Variants in GNAS-AS1 observed in about 807,000 individuals in gnomAD.
GNAS-AS1 encodes GNAS antisense RNA 1.
intron 4 of GNAS-AS1, among the ~76,000 whole-genome samples, chr20:58,819,476 G>A (rs970389441): frequency 9.2e-5 from 14 of 152,196 alleles, no homozygotes; most frequent in African/African-American, 3.1e-4. Flanking sequence ...TAAGAGAGAA[G>A]CAGTTATGGT....
At chr20:58,839,358 T>C (rs891415096) in intron 4 of GNAS-AS1, 3 of 399,336 alleles carry the variant, frequency 7.5e-6, no homozygotes, top group African/African-American at 2.1e-5. Flanking sequence ...TACTCGTGTA[T>C]AGACAGACCC....
Position 58,850,885 on chromosome 20 carries a change from T to C in GNAS-AS1, n.19A>G, listed in dbSNP as rs964222310. On this transcript the variant is annotated non_coding_transcript_exon_variant, in exon 1 of 5. Coordinates refer to ENST00000424094, the Ensembl canonical transcript of GNAS-AS1. ...ACCCCAGCAGCACCTCTTCGGGCGT[T>C]CCAACGCGGCGCCCCCTATTGGACC... is the stretch of plus-strand genomic sequence containing the variant. 4.8e-5 allele frequency: 19 copies of C among 398,602 alleles called. No individual in the cohort carries two copies. In the Admixed American group the frequency reaches 5.3e-4, roughly 11 times the overall value. 24.7% of individuals were successfully genotyped at this position (398,602 alleles called of 1,614,324 possible).
At chr20:58,820,832 C>T (rs1242703485) in intron 4 of GNAS-AS1, among the ~76,000 whole-genome samples, 1 of 152,198 alleles carries the variant, frequency 6.6e-6, no homozygotes, top group Admixed American at 6.5e-5. Flanking sequence ...GAAAGACCCA[C>T]CCCCATACTT....
chr20:58,848,774 T>G (rs2086041012), intron 2 of GNAS-AS1: 1 of 396,900 alleles, frequency 2.5e-6, no homozygotes, highest in African/African-American at 2.1e-5. Flanking sequence ...CTCAGGTCCC[T>G]GTGGCCTTGC....
intron 4 of GNAS-AS1, among the ~76,000 whole-genome samples, chr20:58,835,655 A>T (rs2085597705): frequency 6.6e-6 from 1 of 152,184 alleles, no homozygotes; most frequent in African/African-American, 2.4e-5. Flanking sequence ...ATCTGGTTTT[A>T]ATATTTGGGG....
At chr20:58,835,627 AC>A (rs1158045525) in intron 4 of GNAS-AS1, among the ~76,000 whole-genome samples, 2 of 152,116 alleles carry the variant, frequency 1.3e-5, no homozygotes, top group Admixed American at 1.3e-4. Context: ...GGAATGTATT[AC>A]TCTACACCTG....
chr20:58,838,691 G>A, intron 4 of GNAS-AS1: 1 of 246,274 alleles, frequency 4.1e-6, no homozygotes. Context: ...GCCGAGGCGG[G>A]CGGATCACTT....
Position 58,826,140 on chromosome 20 carries a change from A to G in GNAS-AS1, n.820-6885T>C, listed in dbSNP as rs2085518674. On this transcript the variant is annotated intron_variant and non_coding_transcript_variant, in intron 4 of 4. Coordinates refer to ENST00000424094, the Ensembl canonical transcript of GNAS-AS1. ...GAGAACTTTCAGCACACTGAAGTCT[A>G]TTTAAAAATAGTGGGAGAAGGGAAG... 5 of 398,676 alleles carry G rather than the reference A, an allele frequency of 1.3e-5. 1 individual carries two copies. The East Asian group carries it at 1.8e-4, about 14-fold the overall frequency. 24.7% of individuals were successfully genotyped at this position (398,676 alleles called of 1,614,324 possible).
intron 4 of GNAS-AS1, among the ~76,000 whole-genome samples, chr20:58,835,832 G>C (rs2085598929): frequency 6.6e-6 from 1 of 152,198 alleles, no homozygotes; most frequent in African/African-American, 2.4e-5. Context: ...CTCCAGGAGA[G>C]GAGGCAAAGA....
exon 5 of GNAS-AS1, chr20:58,819,011 T>C (rs565975644): frequency 1.2e-4 from 49 of 398,624 alleles, no homozygotes; most frequent in Non-Finnish European, 1.5e-4. Flanking sequence ...GAAAATGTGA[T>C]ACAGAAACCT....
chr20:58,832,871 C>T (rs998793843), intron 4 of GNAS-AS1, among the ~76,000 whole-genome samples: 5 of 152,246 alleles, frequency 3.3e-5, no homozygotes, highest in Non-Finnish European at 5.9e-5. Context: ...TCTCAATCCC[C>T]ACACAGCACC....
rs1393406420 is a variant in GNAS-AS1, at chr20:58,840,051, A to G, written n.819+1886T>C. ...GGCTCCAGCAGCCAATGTGCTTCGG[A>G]GCCACTCTCTGCAGAGCCAGAGGGC... On this transcript the variant is annotated intron_variant and non_coding_transcript_variant, in intron 4 of 4. Coordinates refer to ENST00000424094, the Ensembl canonical transcript of GNAS-AS1. This position sits in a 1 kb window ranked among gnomAD's most constrained non-coding sequence, Gnocchi z 6.0. 6.3e-6 allele frequency: 10 copies of G among 1,590,716 alleles called. No individual in the cohort carries two copies. Among genetic ancestry groups the G allele is most frequent in the African/African-American group, 2.7e-5 (2 of 73,884 alleles).
At chr20:58,830,070 G>A (rs912520711) in intron 4 of GNAS-AS1, among the ~76,000 whole-genome samples, 20 of 151,962 alleles carry the variant, frequency 1.3e-4, no homozygotes, top group African/African-American at 4.6e-4. Flanking sequence ...CTTTATTTTA[G>A]GCTCTTTCTG....
intron 2 of GNAS-AS1, among the ~76,000 whole-genome samples, chr20:58,845,658 T>C (rs1488103635): frequency 6.6e-6 from 1 of 152,230 alleles, no homozygotes; most frequent in East Asian, 1.9e-4. Flanking sequence ...AATTTTTTAC[T>C]GGTATTTGTT....
chr20:58,846,971 G>A (rs2085964076), intron 2 of GNAS-AS1, among the ~76,000 whole-genome samples: 1 of 152,124 alleles, frequency 6.6e-6, no homozygotes. Context: ...TTCCCATGGT[G>A]CTGTTCATCT....
rs59489810 is a variant in GNAS-AS1 at position 58,835,768 on chromosome 20, T to G, written n.819+6169A>C. ...CGGAATAGTGTCTTGATCATAGAAG[T>G]GGCTCAATTTATGATTGCTAAATAG... On this transcript the variant is annotated intron_variant and non_coding_transcript_variant, in intron 4 of 4. Transcript: ENST00000424094. Among the ~76,000 whole-genome samples, 445 of 152,370 alleles carry G rather than the reference T, an allele frequency of 2.9e-3. 3 individuals carry two copies. Among genetic ancestry groups the G allele is most frequent in the African/African-American group, 0.01 (427 of 41,588 alleles).
chr20:58,845,262 T>C (rs1172156104), intron 2 of GNAS-AS1, among the ~76,000 whole-genome samples: 3 of 152,218 alleles, frequency 2.0e-5, no homozygotes, highest in African/African-American at 7.2e-5. Context: ...AAGCTAGACC[T>C]GAAAAAAATG....
At chr20:58,849,551 C>G (rs1361314656) in intron 1 of GNAS-AS1, among the ~76,000 whole-genome samples, 2 of 152,326 alleles carry the variant, frequency 1.3e-5, no homozygotes, top group South Asian at 4.1e-4. Context: ...AAATCTCCAT[C>G]CCAACTGCCC....
chr20:58,828,983 G>A (rs1158106834), intron 4 of GNAS-AS1, among the ~76,000 whole-genome samples: 2 of 128,942 alleles, frequency 1.6e-5, no homozygotes, highest in African/African-American at 3.0e-5. Context: ...ACATGGCAGA[G>A]CTCCTGGCCC....
Sources: gnomAD v4.1 joint callset for allele counts (sites outside exome capture counted in the v4.1 genomes callset) on GRCh38, gnomAD v4.1.1 for gene constraint, Gnocchi (gnomAD v3.1) non-coding constraint, MANE v1.5 for transcripts, NCBI Gene and HGNC (gene_info 2026-07-23, HGNC 2026-07-21) for gene names.